ANXA4: variants seen among roughly 807,000 people sequenced by gnomAD.
ANXA4 encodes annexin A4, also known as 35-beta calcimedin.
Under a neutral mutation model 49.8 loss-of-function variants are expected in ANXA4, and 39 were observed. The observed-to-expected ratio is 0.78, with a 90% CI of 0.61 to 1.02. The LOEUF (loss-of-function observed/expected upper bound fraction) is 1.02, where lower values mean the gene tolerates loss of function less well. ANXA4 is among the 50% of genes least tolerant of loss of function. ANXA4 has a pLI of 0.00. For missense variants in ANXA4, 360 were observed against 410.1 expected (o/e 0.88, Z 1.05); for synonymous variants, 134 against 152.5 (o/e 0.88, Z 0.89).
At chr2:69,816,358 T>C (rs1455529776) in intron 9 of ANXA4, 164 bp downstream of exon 9, 2 of 533,296 alleles carry the variant, frequency 3.8e-6, no homozygotes, top group African/African-American at 1.9e-5. Flanking sequence ...CAATGATGTA[T>C]ATGAAAGCTA....
chr2:69,820,587 A>T, intron 11 of ANXA4, 112 bp from the exon 12 acceptor site: 1 of 1,300,026 alleles, frequency 7.7e-7, no homozygotes, highest in Non-Finnish European at 1.1e-6. Flanking sequence ...CAAGTAGTGG[A>T]GCAAAGGACA....
At chr2:69,680,120 A>G (rs1355721313) in intron 2 of ANXA4, among the ~76,000 whole-genome samples, 2 of 152,148 alleles carry the variant, frequency 1.3e-5, no homozygotes, top group African/African-American at 2.4e-5. Context: ...AAGAGCGTTA[A>G]TTCTTCTGAT....
chr2:69,763,275 G>A (rs899822452), intron 1 of ANXA4, among the ~76,000 whole-genome samples: 2 of 152,156 alleles, frequency 1.3e-5, no homozygotes, highest in Admixed American at 1.3e-4. Flanking sequence ...GGGCGCGGGA[G>A]GCCCCAGAAC....
At chr2:69,815,530 T>C (rs1232060968) in intron 8 of ANXA4, 1 of 152,248 alleles carries the variant, frequency 6.6e-6, no homozygotes, top group African/African-American at 2.4e-5. Context: ...TATTCCTACC[T>C]GGTTGGAATG....
At chr2:69,700,468 A>G (rs370265456) in intron 2 of ANXA4, 2 of 152,210 alleles carry the variant, frequency 1.3e-5, no homozygotes, top group South Asian at 4.1e-4. Context: ...CACTGCCACC[A>G]TCCGTACTCT....
chr2:69,784,624 T>G (rs1054320309), intron 2 of ANXA4, among the ~76,000 whole-genome samples: 1 of 152,230 alleles, frequency 6.6e-6, no homozygotes, highest in African/African-American at 2.4e-5. Flanking sequence ...CAAAAGTAAT[T>G]GCACCAACCT....
chr2:69,751,133 T>C (rs1670823898), intron 1 of ANXA4, among the ~76,000 whole-genome samples: 1 of 152,172 alleles, frequency 6.6e-6, no homozygotes, highest in African/African-American at 2.4e-5. Context: ...TTGAGTAATT[T>C]GCTCAAAGTT....
intron 1 of ANXA4, among the ~76,000 whole-genome samples, chr2:69,775,359 T>G (rs1671922782): frequency 6.6e-6 from 1 of 152,212 alleles, no homozygotes; most frequent in Non-Finnish European, 1.5e-5. Context: ...TTCTTATTAG[T>G]TTGCATTTCC....
At chr2:69,739,001 C>G (rs759113210), upstream of ANXA4, among the ~76,000 whole-genome samples, 1 of 152,214 alleles carries the variant, frequency 6.6e-6, no homozygotes, top group Non-Finnish European at 1.5e-5. Context: ...AACCAGAACA[C>G]CTCAACTACA....
At chr2:69,724,735 A>AAGCTGGGGCAAGAAAGAAAGATC in intron 3 of ANXA4, among the ~76,000 whole-genome samples, 1 of 152,190 alleles carries the variant, frequency 6.6e-6, no homozygotes, top group Admixed American at 6.5e-5. Flanking sequence ...AAAGAAAGAT[A>AAGCTGGGGCAAGAAAGAAAGATC]AGCTGGGGCA....
At chr2:69,758,629 A>T (rs1671153291) in intron 1 of ANXA4, among the ~76,000 whole-genome samples, 2 of 152,256 alleles carry the variant, frequency 1.3e-5, no homozygotes, top group African/African-American at 2.4e-5. Context: ...TTCTTAAAAA[A>T]ATAAAAATGA....
At chr2:69,808,996 GTATATGT>G (rs1184980233) in intron 6 of ANXA4, 1 of 151,924 alleles carries the variant, frequency 6.6e-6, no homozygotes, top group African/African-American at 2.4e-5. Context: ...AAATGGTTTG[GTATATGT>G]AAGTGAAAAA....
At chr2:69,754,924 A>G (rs1670984388) in intron 1 of ANXA4, among the ~76,000 whole-genome samples, 1 of 152,122 alleles carries the variant, frequency 6.6e-6, no homozygotes, top group African/African-American at 2.4e-5. Context: ...AGGTAGAGTG[A>G]GGTCTATGTA....
chr2:69,797,808 G>T (rs1304022042), intron 3 of ANXA4, among the ~76,000 whole-genome samples: 1 of 152,208 alleles, frequency 6.6e-6, no homozygotes, highest in Non-Finnish European at 1.5e-5. Flanking sequence ...TGCAGAGGGG[G>T]CATAAGGTTT....
intron 4 of ANXA4, among the ~76,000 whole-genome samples, chr2:69,805,618 A>G (rs1006649088): frequency 6.6e-6 from 1 of 151,964 alleles, no homozygotes; most frequent in Admixed American, 6.6e-5. Context: ...AAAAAAAAAA[A>G]AAGAAATTAT....
chr2:69,788,160 G>A lies in ANXA4; in HGVS notation c.97+19G>A. The stretch of plus-strand genomic sequence containing the variant: ...GGGCTCGGTATGTGTCCTGCTGGAA[G>A]TGAATCCTCCTGCGTGCATTGCACA... On this transcript the variant is annotated intron_variant, in intron 3 of 12. Coordinates refer to ENST00000394295, the MANE Select transcript of ANXA4 (RefSeq NM_001153.5). 3 of 1,606,722 alleles carry A rather than the reference G, an allele frequency of 1.9e-6. No homozygotes were observed. The highest frequency in any genetic ancestry group is 2.6e-6 in the Non-Finnish European group (3 of 1,173,510).
chr2:69,788,078 G>C lies in ANXA4; in HGVS notation c.34G>C (p.Ala12Pro), dbSNP rs1672491280. The change falls in exon 3 of 13, where the codon GCT becomes CCT. Residue 12 changes from alanine (A) to proline (P), a missense_variant. Coordinates refer to ENST00000394295, the MANE Select transcript of ANXA4 (RefSeq NM_001153.5). The stretch of plus-strand genomic sequence containing the variant: ...GGCAACCAAAGGAGGTACTGTCAAA[G>C]CTGCTTCAGGATTCAATGCCATGGA... The part of the protein sequence containing the change: ...AMATKGGTVK[A>P]ASGFNAMEDA... 5 of 1,613,906 alleles carry C rather than the reference G, an allele frequency of 3.1e-6. No individual in the cohort carries two copies. In the South Asian group the frequency reaches 3.3e-5, roughly 11 times the overall value.
At chr2:69,650,258 A>G (rs1369722649) in intron 1 of ANXA4, among the ~76,000 whole-genome samples, 1 of 151,950 alleles carries the variant, frequency 6.6e-6, no homozygotes, top group Non-Finnish European at 1.5e-5. Flanking sequence ...TTCTAAGGCT[A>G]CGTTGTTATA....
chr2:69,798,918 G>A lies in ANXA4; in HGVS notation c.98-5615G>A, dbSNP rs143499803. Among the ~76,000 whole-genome samples the A allele has an allele frequency of 4.6e-5, 7 of 152,284 alleles. No homozygotes were observed. In the East Asian group the frequency reaches 5.8e-4, roughly 13 times the overall value. On this transcript the variant is annotated intron_variant, in intron 3 of 12. Transcript: ENST00000394295. ...GGTCAAGGACATGCACACACACATC[G>A]AGTGAGTTTGGAGCAGGAGTTTAAT...
Sources: allele counts gnomAD v4.1 joint callset (sites outside exome capture counted in the v4.1 genomes callset), GRCh38; gene constraint gnomAD v4.1.1; transcripts MANE v1.5; gene names NCBI Gene and HGNC (gene_info 2026-07-23, HGNC 2026-07-21).